YAP1: variants seen among roughly 807,000 people sequenced by gnomAD.
The protein encoded by YAP1 is transcriptional coactivator YAP1.
A neutral mutation model predicts 56.9 loss-of-function variants in YAP1; 5 were observed. The observed-to-expected ratio is 0.09, with a 90% CI of 0.05 to 0.18. The LOEUF (loss-of-function observed/expected upper bound fraction) is 0.18, where lower values mean the gene tolerates loss of function less well. YAP1 is among the 10% of genes least tolerant of loss of function. The probability of loss-of-function intolerance (pLI) is 1.00; values close to 1 mark genes in which losing one functional copy is unlikely to be tolerated. For missense variants in YAP1, 539 were observed against 651.8 expected, an observed-to-expected ratio of 0.83 and a Z score of 1.88; for synonymous variants, 265 against 248.1, an observed-to-expected ratio of 1.07 and a Z score of -0.64.
chr11:102,169,939 T>C (rs913394526), intron 3 of YAP1, among the ~76,000 whole-genome samples: 5 of 152,244 alleles, frequency 3.3e-5, no homozygotes, highest in African/African-American at 1.2e-4. Context: ...GACTTAAATT[T>C]TTTCTTTTTG....
In YAP1 at chr11:102,188,272, A is replaced by C. The variant is rs557274610; in HGVS notation, c.802+2141A>C. 3.3e-4 allele frequency among the ~76,000 whole-genome samples: 51 copies of C among 152,314 alleles called. No homozygotes were observed. In the South Asian group the frequency reaches 0.01, roughly 30 times the overall value. On this transcript the variant is annotated intron_variant, in intron 4 of 8. Transcript: ENST00000282441. ...TGGAGTTTGCTTTTCGATATTCTTC[A>C]AATCTATATTAAAATATTTATCAAT... is the stretch of plus-strand genomic sequence containing the variant.
At chr11:102,175,119 A>T (rs1259580956) in intron 3 of YAP1, among the ~76,000 whole-genome samples, 1 of 152,134 alleles carries the variant, frequency 6.6e-6, no homozygotes, top group East Asian at 1.9e-4. Context: ...GTTTGCCCAA[A>T]GCTTATTTTC....
At chr11:102,158,205 T>C (rs552846223) in intron 2 of YAP1, among the ~76,000 whole-genome samples, 6 of 152,312 alleles carry the variant, frequency 3.9e-5, no homozygotes, top group Non-Finnish European at 8.8e-5. Flanking sequence ...GGACAAAAGA[T>C]ACAATATAGT....
At chr11:102,115,794 G>GTGTC (rs1555077573) in intron 2 of YAP1, among the ~76,000 whole-genome samples, 1 of 152,158 alleles carries the variant, frequency 6.6e-6, no homozygotes, top group African/African-American at 2.4e-5. Context: ...TGTGAAGGAT[G>GTGTC]TGTCTTGAAG....
chr11:102,224,184 CT>C (rs1950084245), intron 7 of YAP1, among the ~76,000 whole-genome samples: 1 of 152,168 alleles, frequency 6.6e-6, no homozygotes, highest in Admixed American at 6.5e-5. Context: ...ACTGTAAGGC[CT>C]CATGTTCTTA....
intron 6 of YAP1, among the ~76,000 whole-genome samples, chr11:102,212,827 C>T (rs900100705): frequency 2.0e-5 from 3 of 152,136 alleles, no homozygotes; most frequent in East Asian, 3.8e-4. Context: ...GTGATCTGCC[C>T]ACCTCGTCCT....
intron 4 of YAP1, among the ~76,000 whole-genome samples, chr11:102,197,374 T>A (rs1366052401): frequency 1.3e-5 from 2 of 152,194 alleles, no homozygotes; most frequent in African/African-American, 4.8e-5. Flanking sequence ...AATTTATTAT[T>A]CCAAAGTTTA....
intron 2 of YAP1, among the ~76,000 whole-genome samples, chr11:102,151,591 T>G (rs964335794): frequency 6.6e-6 from 1 of 152,248 alleles, no homozygotes; most frequent in Non-Finnish European, 1.5e-5. Flanking sequence ...TGTATCTTTA[T>G]GGATCTTTCC....
In YAP1 at chr11:102,186,047, A is replaced by G; in HGVS notation, c.718A>G (p.Met240Val). Reference sequence around the variant, plus strand: ...TCTTCCTGATGGATGGGAACAAGCCATGACTCAGGATGGAGAAATTTACTA... The same window carrying G: ...TCTTCCTGATGGATGGGAACAAGCCGTGACTCAGGATGGAGAAATTTACTA... ...GPLPDGWEQA[M>V]TQDGEIYYIN... Residue 240 changes from methionine to valine, a missense_variant, in exon 4 of 9, where the codon ATG becomes GTG. This residue lies in a region of YAP1 where 414 missense variants were observed against 512.4 expected (regional missense o/e 0.81). Transcript: ENST00000282441. The G allele has an allele frequency of 1.2e-6, 2 of 1,609,754 alleles. No individual in the cohort carries two copies. Among genetic ancestry groups the G allele is most frequent in the Non-Finnish European group, 1.7e-6 (2 of 1,178,776 alleles).
intron 3 of YAP1, among the ~76,000 whole-genome samples, chr11:102,162,939 A>T (rs1199024257): frequency 6.6e-6 from 1 of 151,004 alleles, no homozygotes; most frequent in Non-Finnish European, 1.5e-5. Context: ...TTGGATGGAA[A>T]GCCAAGCTAT....
chr11:102,206,110 T>A, intron 5 of YAP1, 36 bp downstream of exon 5: 1 of 1,582,132 alleles, frequency 6.3e-7, no homozygotes, highest in Non-Finnish European at 8.6e-7. Context: ...CTTCCACTTT[T>A]GGGGGTTTGT....
intron 2 of YAP1, among the ~76,000 whole-genome samples, chr11:102,161,239 T>G (rs998434978): frequency 9.3e-5 from 14 of 151,240 alleles, no homozygotes; most frequent in Non-Finnish European, 1.9e-4. Flanking sequence ...TTTTTTGGTA[T>G]TTTTAGTAGA....
intron 3 of YAP1, among the ~76,000 whole-genome samples, chr11:102,174,931 G>A (rs1039334299): frequency 2.0e-5 from 3 of 152,122 alleles, no homozygotes; most frequent in Non-Finnish European, 2.9e-5. Flanking sequence ...GCCTTCATAT[G>A]TATGGTCCAC....
At chr11:102,164,323 A>G (rs1946471565) in intron 3 of YAP1, among the ~76,000 whole-genome samples, 1 of 152,184 alleles carries the variant, frequency 6.6e-6, no homozygotes, top group African/African-American at 2.4e-5. Context: ...GTGAGCCACC[A>G]TGCCTGGCCC....
Position 102,186,203 on chromosome 11 carries a change from G to A in YAP1, c.802+72G>A, listed in dbSNP as rs796857583. ...TTTTTTTGTAAATATACTTCGGAAA[G>A]CACATTTAAATAAAATCGCATTGCT... On this transcript the variant is annotated intron_variant, in intron 4 of 8. Transcript: ENST00000282441. 3.3e-6 allele frequency: 5 copies of A among 1,509,140 alleles called. No individual in the cohort carries two copies. In the African/African-American group the frequency reaches 4.2e-5, roughly 13 times the overall value. The allele number at this position is 1,509,140 out of a possible 1,614,324, so 93.5% of individuals were successfully genotyped here.
intron 1 of YAP1, among the ~76,000 whole-genome samples, chr11:102,113,717 C>G (rs1469056935): frequency 6.6e-6 from 1 of 152,090 alleles, no homozygotes; most frequent in African/African-American, 2.4e-5. Flanking sequence ...AAATTAATTA[C>G]TTAAAACCTA....
chr11:102,178,057 T>C (rs746220132), intron 3 of YAP1, among the ~76,000 whole-genome samples: 3 of 152,176 alleles, frequency 2.0e-5, no homozygotes, highest in Non-Finnish European at 4.4e-5. Flanking sequence ...TTGCCTTAGA[T>C]TCCTCATCTG....
At chr11:102,149,743 A>G (rs927575101) in intron 2 of YAP1, among the ~76,000 whole-genome samples, 1 of 152,254 alleles carries the variant, frequency 6.6e-6, no homozygotes, top group Admixed American at 6.5e-5. Context: ...AGTTACATAA[A>G]AGATTAAATT....
chr11:102,139,659 A>T (rs759677404), intron 2 of YAP1, among the ~76,000 whole-genome samples: 6 of 152,200 alleles, frequency 3.9e-5, no homozygotes, highest in Admixed American at 6.5e-5. Context: ...AGTTACTTAA[A>T]ATCAAACCAT....
Sources: gnomAD v4.1 joint callset for allele counts (sites outside exome capture counted in the v4.1 genomes callset) on GRCh38, gnomAD v4.1.1 for gene constraint, gnomAD v4.1.1 regional missense constraint, MANE v1.5 for transcripts, NCBI Gene and HGNC (gene_info 2026-07-23, HGNC 2026-07-21) for gene names.